COX15: variants seen among roughly 807,000 people sequenced by gnomAD.
COX15 encodes the protein heme A synthase COX15.
Under a neutral mutation model 51.9 loss-of-function variants are expected in COX15, and 51 were observed. The observed-to-expected ratio is 0.98, with a 90% CI of 0.78 to 1.24. The LOEUF (loss-of-function observed/expected upper bound fraction) is 1.24. Ranked by LOEUF, COX15 falls within the 50% of genes most tolerant of loss-of-function variation. COX15 has a pLI of 0.00. For missense variants in COX15, 420 were observed against 501.1 expected, an observed-to-expected ratio of 0.84 and a Z score of 1.55; for synonymous variants, 188 against 190.5, an observed-to-expected ratio of 0.99 and a Z score of 0.11.
chr10:99,724,415 C>T (rs1250648534), intron 4 of COX15, among the ~76,000 whole-genome samples: 2 of 152,064 alleles, frequency 1.3e-5, no homozygotes, highest in Non-Finnish European at 1.5e-5. Flanking sequence ...CTCTTGACCT[C>T]GTGATCCGCC....
Position 99,729,554 on chromosome 10 carries a change from T to A in COX15, c.271A>T (p.Arg91Trp). ...AGAVILGGVT[R>W]LTESGLSMVD... ...ACTCACTACGAGCAAATTACTTACC[T>A]AGTTACTCCACCAAGAATAACTGCT... Residue 91 changes from arginine to tryptophan, a missense_variant and splice_region_variant, in exon 2 of 9, where the codon AGG becomes TGG. Arg to Trp is a moderately radical substitution (Grantham distance 101, BLOSUM62 -3). Transcript: ENST00000016171. 6.2e-7 allele frequency: 1 copy of A among 1,612,732 alleles called. No individual in the cohort carries two copies. Among genetic ancestry groups the A allele is most frequent in the Non-Finnish European group, 8.5e-7 (1 of 1,179,798 alleles).
the COX15 span, among the ~76,000 whole-genome samples, chr10:99,700,393 CGTGTGTGTGTGTGTGTGTGT>C: frequency 2.0e-4 from 21 of 103,596 alleles, no homozygotes; most frequent in Non-Finnish European, 2.9e-4. Context: ...TCCAACGTAC[CGTGTGTGTGTGTGTGTGTGT>C]ATGTGTGTGT....
At position 99,714,156 on chromosome 10, in the gene COX15, T is replaced by C. The variant is rs899686266; in HGVS notation, c.*431A>G. ...GAAGACCAGCTGGCTACTTTGGGTATGTCAATCCTATCCTTTCAATCTTCA... is the reference window on the plus strand; with the variant it reads ...GAAGACCAGCTGGCTACTTTGGGTACGTCAATCCTATCCTTTCAATCTTCA... On this transcript the variant is annotated 3_prime_UTR_variant, in exon 9 of 9. Coordinates refer to ENST00000016171, the MANE Select transcript of COX15 (RefSeq NM_078470.6). The C allele has an allele frequency of 1.1e-5, 11 of 1,034,470 alleles. No homozygotes were observed. In the East Asian group the frequency reaches 3.4e-4, roughly 32 times the overall value. 64.1% of individuals were successfully genotyped at this position (1,034,470 alleles called of 1,614,324 possible).
chr10:99,722,740 T>G (rs990155149), intron 5 of COX15, among the ~76,000 whole-genome samples: 6 of 151,890 alleles, frequency 4.0e-5, no homozygotes, highest in African/African-American at 1.5e-4. Context: ...AGGCTGAGGC[T>G]GAAGAATTGC....
In COX15 at chr10:99,716,397, C is replaced by T; in HGVS notation, c.1052G>A (p.Arg351Lys). The change falls in exon 8 of 9, where the codon AGA becomes AAA. Residue 351 changes from arginine (R) to lysine (K), a missense_variant. Coordinates refer to ENST00000016171, the MANE Select transcript of COX15 (RefSeq NM_078470.6). ...YFLSRRIPLP[R>K]RTKMAAVTLL... ...AGTCACTGCTGCCATCTTGGTCCTT[C>T]TAGGAAGGGGAATTCTCCGAGAGAG... 6.2e-7 allele frequency: 1 copy of T among 1,613,880 alleles called. No homozygotes were observed. The highest frequency in any genetic ancestry group is 1.3e-5 in the African/African-American group (1 of 74,988).
In COX15 at chr10:99,712,421, A is replaced by G. The variant is rs1250247008; in HGVS notation, c.*2166T>C. 2.0e-6 allele frequency: 2 copies of G among 985,354 alleles called. No individual in the cohort carries two copies. Among genetic ancestry groups the G allele is most frequent in the Non-Finnish European group, 2.4e-6 (2 of 829,874 alleles). 61.0% of individuals were successfully genotyped at this position (985,354 alleles called of 1,614,324 possible). ...AGAGCTTTCACAGAAAAATCTAGAT[A>G]TGTGGCTTATTTTTAAAAAACAGAA... On this transcript the variant is annotated 3_prime_UTR_variant, in exon 9 of 9. Transcript: ENST00000016171.
chr10:99,716,369 CAG>C lies in COX15; in HGVS notation c.1078_1079del (p.Leu360AlafsTer44), dbSNP rs1180613095. 40 of 1,613,350 alleles carry C rather than the reference CAG, an allele frequency of 2.5e-5. No individual in the cohort carries two copies. Among genetic ancestry groups the C allele is most frequent in the Non-Finnish European group, 3.4e-5 (40 of 1,179,452 alleles). On this transcript the variant is annotated frameshift_variant, in exon 8 of 9. Transcript: ENST00000016171. LOFTEE classifies it high-confidence loss of function. Reference sequence around the variant, plus strand: ...ATACCTGTGTATACGCCAAAGCCAGCAGAGTCACTGCTGCCATCTTGGTCCTT... The same window carrying C: ...ATACCTGTGTATACGCCAAAGCCAGCAGTCACTGCTGCCATCTTGGTCCTT... ...PRRTKMAAVT[L>X]LALAYTQVGL... is the part of the protein sequence containing the mutation.
In COX15 at chr10:99,713,586, T is replaced by C. The variant is rs578133881; in HGVS notation, c.*1001A>G. 148 of 1,511,724 alleles carry C rather than the reference T, an allele frequency of 9.8e-5. No individual in the cohort carries two copies. The highest frequency in any genetic ancestry group is 4.5e-4 in the Admixed American group (23 of 50,560). The allele number at this position is 1,511,724 out of a possible 1,614,324, so 93.6% of individuals were successfully genotyped here. A position where few individuals can be genotyped will look rare whatever the true frequency, so the allele number is the denominator to read the frequency against. ...CACCATCAAGGCCATATTTTTCTTA[T>C]TACAAAGCTGTTAGGAAACCCTCTC... On this transcript the variant is annotated 3_prime_UTR_variant, in exon 9 of 9. Coordinates refer to ENST00000016171, the MANE Select transcript of COX15 (RefSeq NM_078470.6).
chr10:99,702,661 T>C, the COX15 span: 1 of 1,611,066 alleles, frequency 6.2e-7, no homozygotes, highest in Non-Finnish European at 8.5e-7. Flanking sequence ...AAAACACGAT[T>C]CTTACCACTC....
At chr10:99,722,679 A>G (rs1277835551) in intron 5 of COX15, among the ~76,000 whole-genome samples, 2 of 151,940 alleles carry the variant, frequency 1.3e-5, no homozygotes, top group Non-Finnish European at 2.9e-5. Context: ...CTAAAAATAC[A>G]GAAAATTAGC....
chr10:99,701,111 A>G, the COX15 span: 2 of 1,366,706 alleles, frequency 1.5e-6, no homozygotes, highest in Non-Finnish European at 2.1e-6. Context: ...TAGATGGCAG[A>G]TTATAATGGA....
At chr10:99,731,452 T>G (rs2037142066) in intron 1 of COX15, among the ~76,000 whole-genome samples, 1 of 152,218 alleles carries the variant, frequency 6.6e-6, no homozygotes. Flanking sequence ...GTTAAGCAAA[T>G]GCATGCCCTC....
the COX15 span, chr10:99,702,546 G>A: frequency 6.2e-7 from 1 of 1,606,594 alleles, no homozygotes; most frequent in Non-Finnish European, 8.5e-7. Context: ...GATGTACCAA[G>A]TCTTACATGA....
chr10:99,720,862 G>A, intron 6 of COX15, 125 bp downstream of exon 6: 1 of 784,932 alleles, frequency 1.3e-6, no homozygotes, highest in Admixed American at 2.0e-5. Context: ...TGAAGATGGG[G>A]GAATGAGAGA....
At chr10:99,708,013 T>C (rs1475372490), downstream of COX15, among the ~76,000 whole-genome samples, 2 of 152,156 alleles carry the variant, frequency 1.3e-5, no homozygotes, top group Admixed American at 6.6e-5. Context: ...GTGGTGAGCA[T>C]AGTACCTAAC....
At chr10:99,709,975 C>T, downstream of COX15, 2 of 985,390 alleles carry the variant, frequency 2.0e-6, no homozygotes, top group Non-Finnish European at 2.4e-6. Flanking sequence ...AAATGTAATC[C>T]ATCATTGCTT....
the COX15 span, chr10:99,702,520 GT>G: frequency 6.4e-7 from 1 of 1,572,790 alleles, no homozygotes; most frequent in Non-Finnish European, 8.6e-7. Flanking sequence ...AGATATCAGT[GT>G]TTTAAATCGG....
the COX15 span, among the ~76,000 whole-genome samples, chr10:99,699,593 C>G: frequency 2.0e-5 from 3 of 152,088 alleles, no homozygotes. Flanking sequence ...GAGATGGGGT[C>G]TCGCTCTGTA....
downstream of COX15, chr10:99,710,762 A>C: frequency 2.0e-6 from 2 of 985,374 alleles, no homozygotes; most frequent in Non-Finnish European, 2.4e-6. Context: ...ATCAGTGTTG[A>C]TCTCTGCAAC....
Sources: gnomAD v4.1 joint callset for allele counts (sites outside exome capture counted in the v4.1 genomes callset) on GRCh38, gnomAD v4.1.1 for gene constraint, MANE v1.5 for transcripts, NCBI Gene and HGNC (gene_info 2026-07-23, HGNC 2026-07-21) for gene names.